Variants in APMAP observed in about 807,000 individuals in gnomAD.
APMAP encodes adipocyte plasma membrane-associated protein.
Under a neutral mutation model 43.6 loss-of-function variants are expected in APMAP, and 33 were observed. The ratio of observed to expected loss-of-function variants is 0.76; its 90% CI spans 0.57 to 1.01. The LOEUF (loss-of-function observed/expected upper bound fraction) is 1.01. Among genes scored for constraint, APMAP ranks in the 50% least tolerant of loss-of-function variants. The pLI is 0.00. For synonymous variants in APMAP, 224 were observed against 216.7 expected, an observed-to-expected ratio of 1.03 and a Z score of -0.30; for missense variants, 498 against 540.7, an observed-to-expected ratio of 0.92 and a Z score of 0.78.
At chr20:24,989,731 A>T (rs1281521639) in intron 1 of APMAP, among the ~76,000 whole-genome samples, 1 of 152,196 alleles carries the variant, frequency 6.6e-6, no homozygotes. Flanking sequence ...CTTGAAAAAA[A>T]TTAAGAAATC....
At chr20:24,984,156 G>A (rs2088128676) in intron 1 of APMAP, 137 bp from the exon 2 acceptor site, 6 of 626,222 alleles carry the variant, frequency 9.6e-6, no homozygotes, top group Non-Finnish European at 1.7e-5. Context: ...CCTCTGGCTT[G>A]TGATTAAACT....
intron 8 of APMAP, among the ~76,000 whole-genome samples, chr20:24,967,420 T>G (rs943418558): frequency 6.6e-6 from 1 of 152,222 alleles, no homozygotes. Context: ...GCAGGAAGAC[T>G]CCATGTTCCC....
chr20:24,963,745 T>A lies in APMAP; in HGVS notation c.*68A>T. 1 of 1,502,164 alleles carries A rather than the reference T, an allele frequency of 6.7e-7. No individual in the cohort carries two copies. The highest frequency in any genetic ancestry group is 9.2e-7 in the Non-Finnish European group (1 of 1,087,926). 93.1% of individuals were successfully genotyped at this position (1,502,164 alleles called of 1,614,324 possible). ...CCACGACTGTGTCCACAGCTCCTCC[T>A]GGACCAGGCCTGGTGCCTGAGTGTG... is the stretch of plus-strand genomic sequence containing the variant. On this transcript the variant is annotated 3_prime_UTR_variant, in exon 9 of 9. Coordinates refer to ENST00000217456, the MANE Select transcript of APMAP (RefSeq NM_020531.3).
chr20:24,971,368 T>C, intron 5 of APMAP, 92 bp downstream of exon 5: 1 of 1,125,444 alleles, frequency 8.9e-7, no homozygotes, highest in South Asian at 1.5e-5. Context: ...TTTAGTAGAC[T>C]GTTGCTAACA....
intron 3 of APMAP, among the ~76,000 whole-genome samples, chr20:24,975,701 A>ACT (rs2088044992): frequency 6.6e-6 from 1 of 152,224 alleles, no homozygotes; most frequent in African/African-American, 2.4e-5. Flanking sequence ...GAGGGCGAAG[A>ACT]CTCAAAATAT....
chr20:24,968,457 G>C (rs1157093248), intron 8 of APMAP, among the ~76,000 whole-genome samples: 1 of 152,188 alleles, frequency 6.6e-6, no homozygotes, highest in Non-Finnish European at 1.5e-5. Context: ...ACACCTGCAG[G>C]GAGGGGAGGA....
intron 2 of APMAP, among the ~76,000 whole-genome samples, chr20:24,982,186 A>AGG (rs1393405007): frequency 6.6e-6 from 1 of 150,968 alleles, no homozygotes; most frequent in Non-Finnish European, 1.5e-5. Flanking sequence ...AGCTGAGCCC[A>AGG]GGAGAGAGAG....
chr20:24,969,792 C>A (rs2087983261), intron 6 of APMAP, 132 bp from the exon 7 acceptor site: 5 of 1,275,712 alleles, frequency 3.9e-6, no homozygotes, highest in Non-Finnish European at 5.3e-6. Context: ...CCTGCTCAAA[C>A]TTGATTCGAG....
chr20:24,986,045 T>C (rs1177582175), intron 1 of APMAP, among the ~76,000 whole-genome samples: 3 of 152,134 alleles, frequency 2.0e-5, no homozygotes, highest in Admixed American at 6.5e-5. Context: ...GCTGAGGACA[T>C]TTCCCAGCAC....
At chr20:24,992,062 G>T (rs2088197117) in intron 1 of APMAP, among the ~76,000 whole-genome samples, 1 of 152,182 alleles carries the variant, frequency 6.6e-6, no homozygotes, top group African/African-American at 2.4e-5. Context: ...GCGTGAGGGG[G>T]GCAGGTGCAG....
At chr20:24,984,131 C>T in intron 1 of APMAP, 112 bp from the exon 2 acceptor site, 1 of 759,664 alleles carries the variant, frequency 1.3e-6, no homozygotes, top group Non-Finnish European at 2.2e-6. Flanking sequence ...AGTTTCCCCA[C>T]TGCAAGCTGG....
At chr20:24,972,495 C>G (rs62215114) in intron 4 of APMAP, among the ~76,000 whole-genome samples, 1 of 139,860 alleles carries the variant, frequency 7.2e-6, no homozygotes, top group South Asian at 2.3e-4. Context: ...CAGGGGCTTA[C>G]TGCAGGGAGT....
At chr20:24,988,281 A>G (rs1466572537) in intron 1 of APMAP, among the ~76,000 whole-genome samples, 1 of 152,192 alleles carries the variant, frequency 6.6e-6, no homozygotes, top group African/African-American at 2.4e-5. Flanking sequence ...TGACTCCAAC[A>G]TTGTGACCTC....
At position 24,992,263 on chromosome 20, in the gene APMAP, G is replaced by A. The variant is rs573917474; in HGVS notation, c.95+331C>T. On this transcript the variant is annotated intron_variant, in intron 1 of 8. Coordinates refer to ENST00000217456, the MANE Select transcript of APMAP (RefSeq NM_020531.3). ...CGCGAGGGGAGCGAGGGAAAGGCGA[G>A]GAAGCAACCGCTATGCAGGGTGGGG... Among the ~76,000 whole-genome samples, 6 of 152,300 alleles carry A rather than the reference G, an allele frequency of 3.9e-5. No individual in the cohort carries two copies. In the East Asian group the frequency reaches 1.2e-3, roughly 30 times the overall value.
intron 8 of APMAP, 124 bp from the exon 9 acceptor site, chr20:24,964,146 A>G (rs901279357): frequency 7.1e-5 from 73 of 1,030,138 alleles, no homozygotes; most frequent in Non-Finnish European, 9.4e-5. Context: ...GCAGCCCCAC[A>G]GGGCAGTGCC....
At chr20:24,976,173 G>A (rs1164970006) in intron 3 of APMAP, among the ~76,000 whole-genome samples, 1 of 152,108 alleles carries the variant, frequency 6.6e-6, no homozygotes, top group Non-Finnish European at 1.5e-5. Context: ...ACCAAGGTGA[G>A]ATACATGAAG....
chr20:24,992,011 C>A (rs2014231351), intron 1 of APMAP, among the ~76,000 whole-genome samples: 1 of 152,226 alleles, frequency 6.6e-6, no homozygotes, highest in South Asian at 2.1e-4. Flanking sequence ...CACTACTGTT[C>A]TCCACTCTTT....
chr20:24,992,692 A>T lies in APMAP; in HGVS notation c.-4T>A. 3.3e-6 allele frequency: 5 copies of T among 1,516,310 alleles called. No homozygotes were observed. The highest frequency in any genetic ancestry group is 4.4e-6 in the Non-Finnish European group (5 of 1,131,744). 93.9% of individuals were successfully genotyped at this position (1,516,310 alleles called of 1,614,324 possible). A position where few individuals can be genotyped will look rare whatever the true frequency, so the allele number is the denominator to read the frequency against. On this transcript the variant is annotated 5_prime_UTR_variant, in exon 1 of 9. Coordinates refer to ENST00000217456, the MANE Select transcript of APMAP (RefSeq NM_020531.3). Reference sequence around the variant, plus strand: ...GCAGCCCGTCCGCCTCGCTCATGGTACGGGCGCCAGCCTCACCCGCAGAAA... The same window carrying T: ...GCAGCCCGTCCGCCTCGCTCATGGTTCGGGCGCCAGCCTCACCCGCAGAAA...
chr20:24,985,783 T>TA (rs140786136), intron 1 of APMAP, among the ~76,000 whole-genome samples: 5,319 of 152,146 alleles, frequency 0.035, 334 homozygotes, highest in African/African-American at 0.12. Context: ...CTACGGATGT[T>TA]AAAAGACTCT....
Sources: allele counts gnomAD v4.1 joint callset (sites outside exome capture counted in the v4.1 genomes callset), GRCh38; gene constraint gnomAD v4.1.1; transcripts MANE v1.5; gene names NCBI Gene and HGNC (gene_info 2026-07-23, HGNC 2026-07-21).